The following INPP4B variants were observed in gnomAD, a reference collection of about 807,000 sequenced individuals.
INPP4B encodes the protein inositol polyphosphate-4-phosphatase type II B.
Under a neutral mutation model 122.5 loss-of-function variants are expected in INPP4B, and 55 were observed. The observed-to-expected ratio is 0.45, with a 90% CI of 0.36 to 0.56. INPP4B has a LOEUF of 0.56. Among genes scored for constraint, INPP4B ranks in the 20% least tolerant of loss-of-function variants. The pLI is 0.00. For synonymous variants in INPP4B, 403 were observed against 388.7 expected (o/e 1.04, Z -0.43); for missense variants, 1,000 against 1,097.7 (o/e 0.91, Z 1.26).
intron 7 of INPP4B, among the ~76,000 whole-genome samples, chr4:142,397,521 G>A (rs1333001684): frequency 1.3e-5 from 2 of 152,004 alleles, no homozygotes; most frequent in Non-Finnish European, 2.9e-5. Context: ...CCTTGTTTTA[G>A]TAATTGATCA....
At chr4:142,185,906 T>TCCTCTTA (rs1833016006) in intron 15 of INPP4B, among the ~76,000 whole-genome samples, 1 of 104,080 alleles carries the variant, frequency 9.6e-6, no homozygotes, top group Non-Finnish European at 2.0e-5. Flanking sequence ...AAAAAAGAAG[T>TCCTCTTA]CCTCTTAACT....
chr4:142,505,808 T>C (rs1054006622), intron 2 of INPP4B, among the ~76,000 whole-genome samples: 1 of 152,272 alleles, frequency 6.6e-6, no homozygotes, highest in South Asian at 2.1e-4. Context: ...TTAAAATCCT[T>C]AGCATGGCAT....
chr4:142,149,707 G>A (rs1812760862), intron 17 of INPP4B, among the ~76,000 whole-genome samples: 1 of 152,174 alleles, frequency 6.6e-6, no homozygotes, highest in Non-Finnish European at 1.5e-5. Flanking sequence ...AAAATGAACT[G>A]GCTGGTCCCG....
At chr4:142,391,675 A>G (rs1389488650) in intron 7 of INPP4B, among the ~76,000 whole-genome samples, 4 of 152,174 alleles carry the variant, frequency 2.6e-5, no homozygotes, top group Non-Finnish European at 4.4e-5. Flanking sequence ...CCTTAAAGCT[A>G]TTGTTATTAA....
At chr4:142,061,306 C>A (rs899576428) in intron 25 of INPP4B, among the ~76,000 whole-genome samples, 1 of 152,158 alleles carries the variant, frequency 6.6e-6, no homozygotes, top group Non-Finnish European at 1.5e-5. Context: ...AGAATCCCTG[C>A]CTTACTTGGC....
intron 2 of INPP4B, among the ~76,000 whole-genome samples, chr4:142,536,331 T>G (rs376283838): frequency 1.3e-5 from 2 of 152,298 alleles, no homozygotes; most frequent in East Asian, 3.9e-4. Context: ...TGCTCTCCAT[T>G]TCTCCATTCT....
chr4:142,367,663 A>G (rs1788069288), intron 7 of INPP4B, among the ~76,000 whole-genome samples: 1 of 152,066 alleles, frequency 6.6e-6, no homozygotes, highest in Non-Finnish European at 1.5e-5. Flanking sequence ...ATTATGCTCT[A>G]TTGTCCGCAA....
At chr4:142,824,314 A>ATCTATCTATCTATCTCTATCTCTATC (rs70949192) in intron 1 of INPP4B, among the ~76,000 whole-genome samples, 6,180 of 150,622 alleles carry the variant, frequency 0.041, 148 homozygotes, top group Middle Eastern at 0.11. Flanking sequence ...CTGTCTATCT[A>ATCTATCTATCTATCTCTATCTCTATC]TCTATCTCTA....
intron 1 of INPP4B, among the ~76,000 whole-genome samples, chr4:142,788,781 CT>C (rs1367447134): frequency 8.2e-4 from 125 of 152,216 alleles, no homozygotes; most frequent in African/African-American, 2.9e-3. Context: ...ATCCAGGTTG[CT>C]GTGAATGCCA....
intron 15 of INPP4B, among the ~76,000 whole-genome samples, chr4:142,179,553 T>G (rs888480341): frequency 2.5e-4 from 38 of 150,868 alleles, no homozygotes; most frequent in Admixed American, 8.6e-4. Context: ...TGCCATTTAT[T>G]AGCTCTGTGA....
intron 7 of INPP4B, among the ~76,000 whole-genome samples, chr4:142,352,095 G>A (rs1782091280): frequency 6.6e-6 from 1 of 151,852 alleles, no homozygotes; most frequent in African/African-American, 2.4e-5. Context: ...TTCCAGACAT[G>A]AGCTTTCTTC....
intron 2 of INPP4B, among the ~76,000 whole-genome samples, chr4:142,671,369 A>G (rs1013348940): frequency 6.6e-5 from 10 of 152,130 alleles, no homozygotes; most frequent in East Asian, 3.9e-4. Context: ...CTTCATCTCA[A>G]TATAGTCCTA....
intron 2 of INPP4B, among the ~76,000 whole-genome samples, chr4:142,498,664 G>C (rs1236596339): frequency 7.9e-5 from 12 of 151,906 alleles, no homozygotes; most frequent in African/African-American, 2.9e-4. Flanking sequence ...GGTGGCATCT[G>C]CCTGTAGTAG....
chr4:142,315,821 G>A (rs991168105), intron 7 of INPP4B, among the ~76,000 whole-genome samples: 21 of 151,482 alleles, frequency 1.4e-4, no homozygotes, highest in African/African-American at 4.9e-4. Flanking sequence ...AAGAATCAGG[G>A]AGCAACAGCC....
At chr4:142,704,195 A>G (rs72728607) in intron 2 of INPP4B, among the ~76,000 whole-genome samples, 6,208 of 152,254 alleles carry the variant, frequency 0.041, 190 homozygotes, top group Admixed American at 0.09. Context: ...AAAACAAAAC[A>G]AAACAAGCTG....
At chr4:142,261,838 C>T (rs892713072) in intron 10 of INPP4B, among the ~76,000 whole-genome samples, 8 of 152,198 alleles carry the variant, frequency 5.3e-5, no homozygotes, top group African/African-American at 1.9e-4. Context: ...ACAATCATAA[C>T]ATTCATCACA....
intron 2 of INPP4B, among the ~76,000 whole-genome samples, chr4:142,672,005 T>C (rs1159123045): frequency 1.3e-5 from 2 of 152,162 alleles, no homozygotes; most frequent in African/African-American, 2.4e-5. Flanking sequence ...TCATGAAACA[T>C]GTAACCCTCT....
chr4:142,249,830 G>T (rs1310228664), intron 11 of INPP4B, among the ~76,000 whole-genome samples: 3 of 152,044 alleles, frequency 2.0e-5, no homozygotes, highest in Non-Finnish European at 4.4e-5. Flanking sequence ...TGTGACTTAG[G>T]CACCAAACTC....
rs1464899977 is a variant in INPP4B, at chr4:142,025,088, A to T, written c.*3694T>A. The stretch of plus-strand genomic sequence containing the variant: ...CCAATAATTTATTTCCTAATAAAAA[A>T]AAAAGAATATGGCATTCATTGTGTG... On this transcript the variant is annotated 3_prime_UTR_variant, in exon 26 of 26. Transcript: ENST00000262992. 1 of 152,182 alleles carries T rather than the reference A, an allele frequency of 6.6e-6. No homozygotes were observed. The highest frequency in any genetic ancestry group is 6.5e-5 in the Admixed American group (1 of 15,282). The allele number at this position is 152,182 out of a possible 1,614,324, so 9.4% of individuals were successfully genotyped here.
Sources: allele counts gnomAD v4.1 joint callset (sites outside exome capture counted in the v4.1 genomes callset), GRCh38; gene constraint gnomAD v4.1.1; transcripts MANE v1.5; gene names NCBI Gene and HGNC (gene_info 2026-07-23, HGNC 2026-07-21).